Variants in HSPA4L observed in about 807,000 individuals in gnomAD.
HSPA4L encodes heat shock protein family A (Hsp70) member 4 like.
HSPA4L carries 48 observed loss-of-function variants against 100.3 expected under a neutral mutation model. The ratio of observed to expected loss-of-function variants is 0.48; its 90% CI spans 0.38 to 0.61. The LOEUF (loss-of-function observed/expected upper bound fraction) is 0.61. Ranked by LOEUF, HSPA4L falls within the 20% of genes least tolerant of loss-of-function variation. The probability of loss-of-function intolerance (pLI) is 0.00; values close to 1 mark genes in which losing one functional copy is unlikely to be tolerated. For synonymous variants in HSPA4L, 319 were observed against 328.2 expected, an observed-to-expected ratio of 0.97 and a Z score of 0.30; for missense variants, 886 against 988.6, an observed-to-expected ratio of 0.90 and a Z score of 1.39.
At chr4:127,830,004 T>C (rs1470088326) in intron 17 of HSPA4L, among the ~76,000 whole-genome samples, 1 of 152,092 alleles carries the variant, frequency 6.6e-6, no homozygotes, top group Non-Finnish European at 1.5e-5. Context: ...TCTTCATATA[T>C]ATAGCTTTAT....
At chr4:127,794,213 G>A (rs1473379830) in intron 2 of HSPA4L, 79 bp downstream of exon 2, 102 of 1,123,396 alleles carry the variant, frequency 9.1e-5, no homozygotes, top group Non-Finnish European at 1.4e-4. Context: ...AAGTTATATT[G>A]TTAAGAGTGA....
chr4:127,815,637 A>T (rs909522512), intron 12 of HSPA4L, among the ~76,000 whole-genome samples: 1 of 151,926 alleles, frequency 6.6e-6, no homozygotes, highest in Non-Finnish European at 1.5e-5. Flanking sequence ...ATTTACTTCT[A>T]TTTATTTTTT....
chr4:127,819,059 AAT>A (rs1329395116), intron 13 of HSPA4L, among the ~76,000 whole-genome samples: 1 of 152,178 alleles, frequency 6.6e-6, no homozygotes, highest in African/African-American at 2.4e-5. Flanking sequence ...ATTTCAGAAA[AAT>A]ATGAGATGGA....
At chr4:127,822,976 T>C in intron 15 of HSPA4L, 82 bp downstream of exon 15, 2 of 1,354,576 alleles carry the variant, frequency 1.5e-6, no homozygotes, top group Non-Finnish European at 2.0e-6. Context: ...CATAAATAAA[T>C]GTACCAAATG....
intron 5 of HSPA4L, 48 bp downstream of exon 5, chr4:127,801,285 A>G (rs1733170145): frequency 2.3e-6 from 3 of 1,298,384 alleles, no homozygotes; most frequent in Admixed American, 2.2e-5. Flanking sequence ...ATACTGTTCT[A>G]GTTTTTTTCT....
intron 11 of HSPA4L, among the ~76,000 whole-genome samples, chr4:127,810,858 C>G (rs2148790703): frequency 6.6e-6 from 1 of 152,202 alleles, no homozygotes; most frequent in South Asian, 2.1e-4. Context: ...AAGTTTTTTA[C>G]TACCTGATTT....
intron 1 of HSPA4L, among the ~76,000 whole-genome samples, chr4:127,792,122 T>C (rs2148777731): frequency 6.6e-6 from 1 of 152,338 alleles, no homozygotes; most frequent in Admixed American, 6.5e-5. Flanking sequence ...CAGTTTGTAT[T>C]ATGTATCAGT....
intron 2 of HSPA4L, among the ~76,000 whole-genome samples, 200 bp from the exon 3 acceptor site, chr4:127,795,568 T>A (rs1352540987): frequency 6.6e-6 from 1 of 152,118 alleles, no homozygotes; most frequent in Non-Finnish European, 1.5e-5. Context: ...GTGGATAATT[T>A]GGGAGGCAAG....
intron 16 of HSPA4L, among the ~76,000 whole-genome samples, chr4:127,825,136 T>G (rs1324134640): frequency 2.7e-5 from 4 of 148,562 alleles, no homozygotes; most frequent in African/African-American, 1.0e-4. Context: ...TGAGACTCCA[T>G]CTCAAAAAAA....
rs986846885 is a variant in HSPA4L, at chr4:127,801,928, C to G, written c.663+10C>G. 1 of 1,586,830 alleles carries G rather than the reference C, an allele frequency of 6.3e-7. No homozygotes were observed. On this transcript the variant is annotated intron_variant, in intron 6 of 18. Transcript: ENST00000296464. ...CAAAGGAAAACTTAAAGTAAGTAAA[C>G]ACATGGTTTGTTATATTTACATATG...
intron 13 of HSPA4L, among the ~76,000 whole-genome samples, chr4:127,819,730 T>G (rs1733759662): frequency 6.6e-6 from 1 of 152,154 alleles, no homozygotes; most frequent in Non-Finnish European, 1.5e-5. Context: ...TTATACAGTA[T>G]GTACTTATTT....
intron 1 of HSPA4L, among the ~76,000 whole-genome samples, chr4:127,782,945 A>G (rs866477769): frequency 3.3e-5 from 5 of 151,894 alleles, no homozygotes; most frequent in African/African-American, 1.2e-4. Context: ...CTGTCCCCCA[A>G]CGCCTCTTTT....
intron 1 of HSPA4L, among the ~76,000 whole-genome samples, 176 bp from the exon 2 acceptor site, chr4:127,793,901 A>G (rs1050776854): frequency 1.3e-5 from 2 of 152,134 alleles, no homozygotes; most frequent in Non-Finnish European, 2.9e-5. Flanking sequence ...TATTCTGACC[A>G]CCATTTTATT....
rs776323210 is a variant in HSPA4L, at chr4:127,801,176, G to C, written c.468G>C (p.Val156=). Reference sequence around the variant, plus strand: ...TTACTGATGCCGAGAGAAGATCTGTGATGGCTGCAGCCCAGGTTGCAGGCT... The same window carrying C: ...TTACTGATGCCGAGAGAAGATCTGTCATGGCTGCAGCCCAGGTTGCAGGCT... ...SFFTDAERRS[V]MAAAQVAGLN... is the part of the protein sequence containing the mutation. The change falls in exon 5 of 19, where the codon GTG becomes GTC. Residue 156 remains valine, a synonymous_variant. Transcript: ENST00000296464. 1.9e-6 allele frequency: 3 copies of C among 1,613,254 alleles called. No homozygotes were observed. In the South Asian group the frequency reaches 3.3e-5, roughly 18 times the overall value.
In HSPA4L at chr4:127,827,375, G is replaced by GA; in HGVS notation, c.2123dup (p.Ile709AspfsTer12). On this transcript the variant is annotated frameshift_variant, in exon 17 of 19. Transcript: ENST00000296464. LOFTEE classifies it high-confidence loss of function. Reference sequence around the variant, plus strand: ...AGACCAAAAGCCTTAAATGACTTGGGAAAAAAGATCCAACTTGTCATGAAA... The same window carrying GA: ...AGACCAAAAGCCTTAAATGACTTGGGAAAAAAAGATCCAACTTGTCATGAAA... The GA allele has an allele frequency of 1.9e-6, 3 of 1,613,418 alleles. No homozygotes were observed. Among genetic ancestry groups the GA allele is most frequent in the East Asian group, 4.5e-5 (2 of 44,838 alleles).
In HSPA4L at chr4:127,805,726, T is replaced by C. The variant is rs1733336198; in HGVS notation, c.1177T>C (p.Ser393Pro). 6.2e-7 allele frequency: 1 copy of C among 1,612,758 alleles called. No individual in the cohort carries two copies. The highest frequency in any genetic ancestry group is 1.3e-5 in the African/African-American group (1 of 74,894). ...ACCAGCATTTAAAGTGCGTGAATTT[T>C]CCATAACAGACCTTGTTCCCTATTC... Reference protein sequence around the residue: ...LSPAFKVREFSITDLVPYSIT... With the variant: ...LSPAFKVREFPITDLVPYSIT... Residue 393 changes from serine (S) to proline (P), a missense_variant, in exon 10 of 19, where the codon TCC becomes CCC. Physicochemically the swap from Ser to Pro is moderately conservative, Grantham distance 74. Coordinates refer to ENST00000296464, the MANE Select transcript of HSPA4L (RefSeq NM_014278.4).
At chr4:127,815,046 TC>T (rs1415767613) in intron 12 of HSPA4L, among the ~76,000 whole-genome samples, 1 of 152,144 alleles carries the variant, frequency 6.6e-6, no homozygotes, top group Non-Finnish European at 1.5e-5. Flanking sequence ...AATAAGTTCT[TC>T]TTTTTACTCT....
upstream of HSPA4L, chr4:127,782,049 C>G (rs1732566151): frequency 2.2e-6 from 1 of 455,104 alleles, no homozygotes; most frequent in Non-Finnish European, 4.4e-6. Flanking sequence ...CGAGCGAGGG[C>G]GAGCAAGCCA....
At chr4:127,798,480 GGT>G in intron 3 of HSPA4L, 105 bp from the exon 4 acceptor site, 1 of 1,045,774 alleles carries the variant, frequency 9.6e-7, no homozygotes, top group Non-Finnish European at 1.4e-6. Flanking sequence ...CTTGAGCAAG[GGT>G]GTCTTTTTCC....
Sources: gnomAD v4.1 joint callset for allele counts (sites outside exome capture counted in the v4.1 genomes callset) on GRCh38, gnomAD v4.1.1 for gene constraint, MANE v1.5 for transcripts, NCBI Gene and HGNC (gene_info 2026-07-23, HGNC 2026-07-21) for gene names.